CTNND2: variants seen among roughly 807,000 people sequenced by gnomAD.
The protein encoded by CTNND2 is catenin delta-2.
Under a neutral mutation model 144.4 loss-of-function variants are expected in CTNND2, and 22 were observed. The observed-to-expected ratio is 0.15, with a 90% CI of 0.11 to 0.22. The LOEUF is 0.22. Ranked by LOEUF, CTNND2 falls within the 10% of genes least tolerant of loss-of-function variation. CTNND2 has a pLI of 1.00. For synonymous variants in CTNND2, 751 were observed against 695.6 expected, an observed-to-expected ratio of 1.08 and a Z score of -1.25; for missense variants, 1,353 against 1,618.8, an observed-to-expected ratio of 0.84 and a Z score of 2.82.
chr5:11,621,471 A>C (rs1248777880), intron 2 of CTNND2, among the ~76,000 whole-genome samples: 1 of 151,404 alleles, frequency 6.6e-6, no homozygotes, highest in Non-Finnish European at 1.5e-5. Context: ...TTTTTGTTAG[A>C]TCACAGATTT....
At chr5:11,644,271 A>G (rs755414059) in intron 2 of CTNND2, among the ~76,000 whole-genome samples, 15 of 152,240 alleles carry the variant, frequency 9.9e-5, no homozygotes, top group Admixed American at 7.8e-4. Flanking sequence ...GTGGCACTTT[A>G]TGTAGGATGT....
In CTNND2 at chr5:11,295,714, C is replaced by G. The variant is rs192276367; in HGVS notation, c.1628+50658G>C. ...ACTATCTGATCTTTGACAAACCTGA[C>G]AAAAACAAGAAATGGGGAAAGGATT... On this transcript the variant is annotated intron_variant, in intron 9 of 21. Coordinates refer to ENST00000304623, the MANE Select transcript of CTNND2 (RefSeq NM_001332.4). 6.6e-3 allele frequency among the ~76,000 whole-genome samples: 1,007 copies of G among 152,150 alleles called. 14 individuals are homozygous for G. Among genetic ancestry groups the G allele is most frequent in the African/African-American group, 0.023 (942 of 41,496 alleles).
At chr5:11,582,884 C>A (rs1581554241) in intron 2 of CTNND2, among the ~76,000 whole-genome samples, 1 of 152,154 alleles carries the variant, frequency 6.6e-6, no homozygotes, top group Admixed American at 6.5e-5. Context: ...CAGAAAACAG[C>A]CTCTGACCAC....
chr5:11,273,173 C>T (rs1034641644), intron 9 of CTNND2, among the ~76,000 whole-genome samples: 6 of 152,156 alleles, frequency 3.9e-5, no homozygotes, highest in Admixed American at 1.3e-4. Flanking sequence ...TCTTGGCCCA[C>T]GAAGCCTAGA....
chr5:11,123,589 C>A (rs765129155), intron 12 of CTNND2, among the ~76,000 whole-genome samples: 1 of 152,208 alleles, frequency 6.6e-6, no homozygotes, highest in Non-Finnish European at 1.5e-5. Flanking sequence ...TTCCCCAGCA[C>A]CTAACCTGTG....
At chr5:11,085,932 G>C (rs1461441695) in intron 15 of CTNND2, among the ~76,000 whole-genome samples, 1 of 152,140 alleles carries the variant, frequency 6.6e-6, no homozygotes, top group Admixed American at 6.5e-5. Context: ...ACTCAGTGAA[G>C]TCTCCTGTAC....
chr5:11,584,489 C>T (rs1778680192), intron 2 of CTNND2, among the ~76,000 whole-genome samples: 1 of 138,064 alleles, frequency 7.2e-6, no homozygotes, highest in Non-Finnish European at 1.6e-5. Context: ...TTTTTTATTC[C>T]TAGAGGAAGA....
chr5:11,347,137 G>A (rs1754882050), intron 8 of CTNND2, among the ~76,000 whole-genome samples: 1 of 152,196 alleles, frequency 6.6e-6, no homozygotes, highest in Non-Finnish European at 1.5e-5. Context: ...GGGGGTGGAG[G>A]TGAGAAGAGG....
intron 5 of CTNND2, among the ~76,000 whole-genome samples, chr5:11,398,422 A>C (rs1760334926): frequency 6.6e-6 from 1 of 152,220 alleles, no homozygotes; most frequent in Non-Finnish European, 1.5e-5. Flanking sequence ...TGGCACTTAA[A>C]GCCTTCCCAA....
chr5:11,002,485 T>C (rs922545867), intron 18 of CTNND2, among the ~76,000 whole-genome samples: 7 of 152,120 alleles, frequency 4.6e-5, no homozygotes, highest in African/African-American at 1.7e-4. Context: ...GGGAGAGAAG[T>C]TGGCTCATTC....
chr5:11,326,509 C>T (rs1048338072), intron 9 of CTNND2, among the ~76,000 whole-genome samples: 1 of 152,138 alleles, frequency 6.6e-6, no homozygotes, highest in African/African-American at 2.4e-5. Flanking sequence ...GCCTGAAAGC[C>T]ACTGATCTAC....
At chr5:11,753,409 T>C (rs925885201) in intron 1 of CTNND2, among the ~76,000 whole-genome samples, 2 of 151,882 alleles carry the variant, frequency 1.3e-5, no homozygotes, top group Non-Finnish European at 2.9e-5. Context: ...ATTAAAAGCC[T>C]TTCTGTATTT....
chr5:10,998,464 C>G (rs1030150992), intron 18 of CTNND2, among the ~76,000 whole-genome samples: 1 of 152,200 alleles, frequency 6.6e-6, no homozygotes, highest in African/African-American at 2.4e-5. Context: ...TGCAATGAGA[C>G]AAACATAAAA....
chr5:11,868,431 T>C (rs1438036872), intron 1 of CTNND2, among the ~76,000 whole-genome samples: 4 of 152,222 alleles, frequency 2.6e-5, no homozygotes, highest in Admixed American at 6.5e-5. Flanking sequence ...TGGTGTTAAA[T>C]GACTGAATAT....
intron 3 of CTNND2, among the ~76,000 whole-genome samples, chr5:11,510,211 G>A (rs745869552): frequency 2.6e-5 from 4 of 151,984 alleles, no homozygotes; most frequent in Non-Finnish European, 4.4e-5. Flanking sequence ...CAAACTGTTG[G>A]GATTACAGGA....
intron 8 of CTNND2, among the ~76,000 whole-genome samples, chr5:11,356,202 A>G (rs1755856792): frequency 7.0e-6 from 1 of 142,246 alleles, no homozygotes. Context: ...CTATACTAAA[A>G]TTGGTATGAA....
intron 9 of CTNND2, among the ~76,000 whole-genome samples, chr5:11,340,368 C>A (rs1484439021): frequency 1.3e-5 from 2 of 152,168 alleles, no homozygotes; most frequent in Non-Finnish European, 2.9e-5. Flanking sequence ...ACTCTGGAAT[C>A]TTCCATGGAA....
At chr5:11,849,033 C>A (rs73048714) in intron 1 of CTNND2, among the ~76,000 whole-genome samples, 1,579 of 152,162 alleles carry the variant, frequency 0.01, 34 homozygotes, top group African/African-American at 0.037. Context: ...GTGTATTGGT[C>A]CATTTTCAGG....
chr5:11,572,786 C>T (rs1170299995), intron 2 of CTNND2, among the ~76,000 whole-genome samples: 3 of 152,120 alleles, frequency 2.0e-5, no homozygotes, highest in African/African-American at 4.8e-5. Context: ...AATGCCACCA[C>T]GATCGAGTTA....
Sources: allele counts gnomAD v4.1 joint callset (sites outside exome capture counted in the v4.1 genomes callset), GRCh38; gene constraint gnomAD v4.1.1; transcripts MANE v1.5; gene names NCBI Gene and HGNC (gene_info 2026-07-23, HGNC 2026-07-21).